PRKN: variants seen among roughly 807,000 people sequenced by gnomAD.
PRKN encodes parkin RBR E3 ubiquitin protein ligase.
Under a neutral mutation model 59.5 loss-of-function variants are expected in PRKN, and 56 were observed. The ratio of observed to expected loss-of-function variants is 0.94; its 90% CI spans 0.76 to 1.18. The LOEUF is 1.18. PRKN is among the 50% of genes most tolerant of loss of function. The pLI is 0.00. For synonymous variants in PRKN, 250 were observed against 222.1 expected (o/e 1.13, Z -1.12); for missense variants, 657 against 596.4 (o/e 1.10, Z -1.06).
At chr6:162,230,420 T>C (rs1778372531) in intron 3 of PRKN, among the ~76,000 whole-genome samples, 1 of 152,210 alleles carries the variant, frequency 6.6e-6, no homozygotes, top group Admixed American at 6.5e-5. Flanking sequence ...AGAGGCAAGC[T>C]GGGCTTGAAG....
intron 9 of PRKN, among the ~76,000 whole-genome samples, chr6:161,422,034 T>C (rs1039462260): frequency 5.3e-5 from 8 of 152,056 alleles, no homozygotes; most frequent in Non-Finnish European, 1.2e-4. Context: ...AGAAACATAA[T>C]CTAGTAAAGG....
intron 7 of PRKN, among the ~76,000 whole-genome samples, chr6:161,671,719 T>G (rs1324937898): frequency 6.6e-6 from 1 of 152,206 alleles, no homozygotes; most frequent in Non-Finnish European, 1.5e-5. Context: ...TATATCATTG[T>G]TTTTTCTTTC....
intron 9 of PRKN, among the ~76,000 whole-genome samples, chr6:161,523,268 A>C (rs1344655588): frequency 6.6e-6 from 1 of 152,218 alleles, no homozygotes; most frequent in African/African-American, 2.4e-5. Context: ...AGATAACTAA[A>C]TTTTTATAAA....
intron 8 of PRKN, among the ~76,000 whole-genome samples, chr6:161,558,408 A>T (rs989199342): frequency 3.3e-5 from 5 of 150,808 alleles, no homozygotes; most frequent in South Asian, 2.1e-4. Context: ...CAAAAAATTA[A>T]AAAAAAATTA....
chr6:162,015,397 A>G (rs758950695), intron 5 of PRKN, among the ~76,000 whole-genome samples: 11 of 152,210 alleles, frequency 7.2e-5, no homozygotes, highest in Non-Finnish European at 1.6e-4. Flanking sequence ...ATCAAAGGTA[A>G]CTGCAAAGGG....
chr6:162,013,225 G>A (rs1782803818), intron 5 of PRKN, among the ~76,000 whole-genome samples: 1 of 151,926 alleles, frequency 6.6e-6, no homozygotes. Context: ...ATTTTTTACT[G>A]GGTTAACATC....
At chr6:161,815,176 G>A (rs762747054) in intron 6 of PRKN, among the ~76,000 whole-genome samples, 17 of 152,154 alleles carry the variant, frequency 1.1e-4, no homozygotes, top group Non-Finnish European at 2.1e-4. Context: ...AGTGGCAGCC[G>A]TTACTTCATA....
At chr6:161,439,011 T>A (rs888304882) in intron 9 of PRKN, among the ~76,000 whole-genome samples, 1 of 151,940 alleles carries the variant, frequency 6.6e-6, no homozygotes, top group Admixed American at 6.6e-5. Context: ...TCAAGCTGAT[T>A]GCTACAGACT....
At chr6:162,261,945 T>C (rs1779905469) in intron 3 of PRKN, among the ~76,000 whole-genome samples, 1 of 152,144 alleles carries the variant, frequency 6.6e-6, no homozygotes. Context: ...CCAGGATCTA[T>C]TGTATGTGGG....
At chr6:162,648,987 A>T (rs1270766110) in intron 1 of PRKN, among the ~76,000 whole-genome samples, 5 of 152,308 alleles carry the variant, frequency 3.3e-5, no homozygotes, top group African/African-American at 1.2e-4. Flanking sequence ...GAAGAGAAGG[A>T]ATTGTGCCTC....
intron 6 of PRKN, among the ~76,000 whole-genome samples, chr6:161,947,519 A>C (rs1379372203): frequency 6.6e-6 from 1 of 152,146 alleles, no homozygotes; most frequent in Non-Finnish European, 1.5e-5. Flanking sequence ...GCCTGTGACT[A>C]CAGGAGGCAG....
intron 1 of PRKN, among the ~76,000 whole-genome samples, chr6:162,524,442 A>T (rs1182540093): frequency 6.6e-6 from 1 of 152,166 alleles, no homozygotes; most frequent in Non-Finnish European, 1.5e-5. Flanking sequence ...TGGGTGAGAA[A>T]ATTGTTCAAG....
At chr6:162,387,926 G>A (rs534741657) in intron 2 of PRKN, among the ~76,000 whole-genome samples, 22 of 152,272 alleles carry the variant, frequency 1.4e-4, no homozygotes, top group East Asian at 3.9e-4. Flanking sequence ...ACTCCATGGC[G>A]GAATTCCTCT....
intron 1 of PRKN, among the ~76,000 whole-genome samples, chr6:162,465,835 G>A (rs1013817103): frequency 2.0e-5 from 3 of 152,126 alleles, no homozygotes; most frequent in South Asian, 4.1e-4. Context: ...TTAAATTCAG[G>A]AGGGTATATT....
intron 1 of PRKN, among the ~76,000 whole-genome samples, chr6:162,591,350 T>G (rs34192365): frequency 0.1 from 15,328 of 152,216 alleles, 923 homozygotes; most frequent in Middle Eastern, 0.19. Context: ...CTTCTTAATT[T>G]TTTTAAATTA....
chr6:162,718,020 G>A (rs1305261982), intron 1 of PRKN, among the ~76,000 whole-genome samples: 2 of 152,094 alleles, frequency 1.3e-5, no homozygotes, highest in Non-Finnish European at 2.9e-5. Flanking sequence ...TAATTTGCCG[G>A]TATACTTCCT....
intron 7 of PRKN, among the ~76,000 whole-genome samples, chr6:161,767,302 A>G (rs988121448): frequency 2.0e-5 from 3 of 152,330 alleles, no homozygotes; most frequent in Non-Finnish European, 4.4e-5. Flanking sequence ...TCACTAGGTC[A>G]GGAGATCGAG....
chr6:162,560,755 T>G (rs1779799125), intron 1 of PRKN, among the ~76,000 whole-genome samples: 1 of 149,624 alleles, frequency 6.7e-6, no homozygotes, highest in Non-Finnish European at 1.5e-5. Context: ...ATATATTCAT[T>G]CAAGTCAATC....
intron 6 of PRKN, among the ~76,000 whole-genome samples, chr6:161,884,695 T>C (rs1795065244): frequency 1.3e-5 from 2 of 152,216 alleles, no homozygotes; most frequent in Admixed American, 6.5e-5. Context: ...ATTTAGCTCA[T>C]AATTTGATTC....
Sources: gnomAD v4.1 joint callset for allele counts (sites outside exome capture counted in the v4.1 genomes callset) on GRCh38, gnomAD v4.1.1 for gene constraint, MANE v1.5 for transcripts, NCBI Gene and HGNC (gene_info 2026-07-23, HGNC 2026-07-21) for gene names.